The following SPATA31H1 variants were observed in gnomAD, a reference collection of about 807,000 sequenced individuals.
SPATA31H1 encodes spermatogenesis-associated protein 31H1.
the SPATA31H1 span, chr2:27,577,377 C>T: frequency 1.9e-6 from 3 of 1,614,060 alleles, no homozygotes; most frequent in Non-Finnish European, 2.5e-6. The surrounding 1 kb of genome is among the most constrained non-coding windows in gnomAD (Gnocchi z 4.5). Context: ...TACTCCGGAA[C>T]TCAAGCATTA....
At chr2:27,541,555 G>A in the SPATA31H1 span, among the ~76,000 whole-genome samples, 2 of 151,496 alleles carry the variant, frequency 1.3e-5, no homozygotes, top group East Asian at 1.9e-4. Flanking sequence ...ATGAACGAAC[G>A]ACTTCTCAGT....
chr2:27,563,138 A>G, the SPATA31H1 span, among the ~76,000 whole-genome samples: 2 of 151,994 alleles, frequency 1.3e-5, no homozygotes, highest in African/African-American at 2.4e-5. Context: ...TAGTAGAGAA[A>G]TGCTCCTGAT....
At chr2:27,545,940 T>TAA in the SPATA31H1 span, among the ~76,000 whole-genome samples, 4,105 of 152,092 alleles carry the variant, frequency 0.027, 231 homozygotes, top group African/African-American at 0.095. Context: ...CCCTAATGAC[T>TAA]TATGATAATG....
the SPATA31H1 span, among the ~76,000 whole-genome samples, chr2:27,546,543 T>C: frequency 6.6e-6 from 1 of 152,196 alleles, no homozygotes; most frequent in Middle Eastern, 3.4e-3. Flanking sequence ...CTTATTCTTT[T>C]TCTTATTGAG....
At chr2:27,562,342 C>T in the SPATA31H1 span, among the ~76,000 whole-genome samples, 1 of 151,046 alleles carries the variant, frequency 6.6e-6, no homozygotes, top group Non-Finnish European at 1.5e-5. Context: ...ATAATGAGAC[C>T]TCGTCTCTAC....
At chr2:27,572,947 A>G in the SPATA31H1 span, 1 of 397,780 alleles carries the variant, frequency 2.5e-6, no homozygotes, top group African/African-American at 2.1e-5. Context: ...TCAGAGCCAT[A>G]TTTTCAAGGT....
At chr2:27,574,957 G>A in the SPATA31H1 span, 6 of 398,338 alleles carry the variant, frequency 1.5e-5, no homozygotes, top group Admixed American at 4.4e-5. Flanking sequence ...AGGCCAATGC[G>A]GCAAGATGTG....
chr2:27,570,754 G>C, the SPATA31H1 span: 1 of 398,942 alleles, frequency 2.5e-6, no homozygotes, highest in South Asian at 1.3e-4. Context: ...GAGGGGGAAG[G>C]GGTTAAGCCT....
chr2:27,562,250 A>C, the SPATA31H1 span, among the ~76,000 whole-genome samples: 1 of 152,126 alleles, frequency 6.6e-6, no homozygotes, highest in Non-Finnish European at 1.5e-5. Flanking sequence ...TATTAATTTT[A>C]GAGCATTTAA....
At chr2:27,568,863 G>A in the SPATA31H1 span, 1 of 398,908 alleles carries the variant, frequency 2.5e-6, no homozygotes, top group Non-Finnish European at 4.4e-6. Flanking sequence ...AGTAAAAGCT[G>A]CAGAGATGAG....
the SPATA31H1 span, chr2:27,578,664 A>T: frequency 3.7e-6 from 6 of 1,614,162 alleles, no homozygotes; most frequent in Non-Finnish European, 5.1e-6. Context: ...TCCTAAAGTT[A>T]TGGAAACTGA....
the SPATA31H1 span, chr2:27,569,816 C>A: frequency 2.5e-6 from 1 of 398,862 alleles, no homozygotes; most frequent in South Asian, 1.3e-4. Flanking sequence ...AGCCAAGTGT[C>A]AAATCTTCTG....
At chr2:27,551,815 C>T in the SPATA31H1 span, among the ~76,000 whole-genome samples, 75 of 151,898 alleles carry the variant, frequency 4.9e-4, no homozygotes, top group Non-Finnish European at 8.2e-4. Context: ...CAACAAGCAA[C>T]ATCTAGACTA....
At chr2:27,555,796 C>T in the SPATA31H1 span, among the ~76,000 whole-genome samples, 1 of 151,836 alleles carries the variant, frequency 6.6e-6, no homozygotes, top group African/African-American at 2.4e-5. Context: ...TCATCTTATT[C>T]CTCCTTTGAA....
At chr2:27,541,452 C>T in the SPATA31H1 span, among the ~76,000 whole-genome samples, 4 of 151,836 alleles carry the variant, frequency 2.6e-5, no homozygotes, top group African/African-American at 9.7e-5. Flanking sequence ...GACACCAACT[C>T]ATCATTTTCT....
At chr2:27,539,283 C>A in the SPATA31H1 span, among the ~76,000 whole-genome samples, 2 of 149,826 alleles carry the variant, frequency 1.3e-5, no homozygotes, top group Non-Finnish European at 2.9e-5. Flanking sequence ...GTGTTTGTGT[C>A]CCTGGGTACT....
chr2:27,541,019 T>G, the SPATA31H1 span, among the ~76,000 whole-genome samples: 6 of 136,498 alleles, frequency 4.4e-5, no homozygotes, highest in African/African-American at 1.7e-4. Context: ...TCTCGGCACT[T>G]TGGGGGGCCA....
chr2:27,561,607 C>A, the SPATA31H1 span, among the ~76,000 whole-genome samples: 1 of 152,134 alleles, frequency 6.6e-6, no homozygotes, highest in South Asian at 2.1e-4. Context: ...TCTTACATTT[C>A]ACATTTTAGT....
the SPATA31H1 span, among the ~76,000 whole-genome samples, chr2:27,548,325 C>A: frequency 6.6e-6 from 1 of 151,684 alleles, no homozygotes; most frequent in Non-Finnish European, 1.5e-5. Flanking sequence ...CTCCAATTAT[C>A]GCCTGGGTGC....
Sources: allele counts gnomAD v4.1 joint callset (sites outside exome capture counted in the v4.1 genomes callset), GRCh38; gene constraint gnomAD v4.1.1; non-coding constraint Gnocchi (gnomAD v3.1); transcripts MANE v1.5; gene names NCBI Gene and HGNC (gene_info 2026-07-23, HGNC 2026-07-21).